The following DLC1 variants were observed in gnomAD, a reference collection of about 807,000 sequenced individuals.
DLC1 encodes DLC1 Rho GTPase activating protein.
DLC1 carries 54 observed loss-of-function variants against 140.3 expected under a neutral mutation model. The observed-to-expected ratio is 0.38, with a 90% CI of 0.31 to 0.48. The LOEUF (loss-of-function observed/expected upper bound fraction) is 0.48, where lower values mean the gene tolerates loss of function less well. DLC1 is among the 20% of genes least tolerant of loss of function. The probability of loss-of-function intolerance (pLI) is 0.96; values close to 1 mark genes in which losing one functional copy is unlikely to be tolerated. For synonymous variants in DLC1, 986 were observed against 728.1 expected (o/e 1.35, Z -5.70); for missense variants, 2,536 against 1,907.0 (o/e 1.33, Z -6.14).
chr8:13,542,931 G>A (rs1469749619), intron 1 of DLC1, among the ~76,000 whole-genome samples: 2 of 151,856 alleles, frequency 1.3e-5, no homozygotes, highest in Non-Finnish European at 2.9e-5. Context: ...TTTTATTTCA[G>A]TATTTTGGCA....
chr8:13,285,673 C>G (rs1425707679), intron 5 of DLC1, among the ~76,000 whole-genome samples: 1 of 152,048 alleles, frequency 6.6e-6, no homozygotes, highest in East Asian at 1.9e-4. Context: ...GAATGTGGAG[C>G]AACTGGGATA....
chr8:13,274,962 A>C (rs1831100875), intron 5 of DLC1, among the ~76,000 whole-genome samples: 1 of 152,242 alleles, frequency 6.6e-6, no homozygotes, highest in African/African-American at 2.4e-5. Context: ...ATTGCAAATG[A>C]GATCATACAC....
chr8:13,327,185 G>C (rs1833397123), intron 4 of DLC1, among the ~76,000 whole-genome samples: 1 of 135,128 alleles, frequency 7.4e-6, no homozygotes, highest in South Asian at 2.4e-4. Flanking sequence ...ATGTTAGTCA[G>C]GATGGTCTCG....
At chr8:13,225,702 G>A (rs1828764086) in intron 5 of DLC1, among the ~76,000 whole-genome samples, 1 of 149,320 alleles carries the variant, frequency 6.7e-6, no homozygotes, top group Non-Finnish European at 1.5e-5. Flanking sequence ...TGCAAGCTCC[G>A]CCTCCTGGGT....
At chr8:13,143,075 G>T (rs557840514) in intron 5 of DLC1, among the ~76,000 whole-genome samples, 19 of 148,712 alleles carry the variant, frequency 1.3e-4, no homozygotes, top group African/African-American at 4.7e-4. Context: ...ATTAGAGGGA[G>T]AAACTAACCA....
chr8:13,241,714 A>G (rs1829552198), intron 5 of DLC1, among the ~76,000 whole-genome samples: 1 of 151,962 alleles, frequency 6.6e-6, no homozygotes, highest in African/African-American at 2.4e-5. Flanking sequence ...TTTTATGGTG[A>G]CCTCCCAGTT....
At chr8:13,143,167 C>A (rs1006468536) in intron 5 of DLC1, among the ~76,000 whole-genome samples, 2 of 151,870 alleles carry the variant, frequency 1.3e-5, no homozygotes, top group Non-Finnish European at 2.9e-5. Flanking sequence ...TTAGAACATA[C>A]ACATTTTCAA....
Position 13,429,173 on chromosome 8 carries a change from T to C in DLC1, c.1024-27554A>G, listed in dbSNP as rs538277250. Among the ~76,000 whole-genome samples the C allele has an allele frequency of 2.2e-4, 33 of 152,340 alleles. 1 individual carries two copies. In the East Asian group the frequency reaches 5.0e-3, roughly 23 times the overall value. ...TATCAAACACCTGTATCAGAAACAC[T>C]GTGGTTCTTTTTAGCAATACAGATC... is the stretch of plus-strand genomic sequence containing the variant. On this transcript the variant is annotated intron_variant, in intron 2 of 17. Coordinates refer to ENST00000276297, the MANE Select transcript of DLC1 (RefSeq NM_182643.3).
rs189407988 is a variant in DLC1, at chr8:13,125,278, A to G, written c.1349-9621T>C. ...AGGCATGAGCCACCAAACCTGGCCT[A>G]ATTTGCTTTTTAAGAGATCGACTTC... On this transcript the variant is annotated intron_variant, in intron 5 of 17. Transcript: ENST00000276297. Among the ~76,000 whole-genome samples the G allele has an allele frequency of 2.6e-5, 4 of 152,152 alleles. No homozygotes were observed. The East Asian group carries it at 5.8e-4, about 22-fold the overall frequency.
chr8:13,468,548 A>C (rs1184330843), intron 2 of DLC1, among the ~76,000 whole-genome samples: 1 of 150,882 alleles, frequency 6.6e-6, no homozygotes. Context: ...TAATTTAACA[A>C]ATTTTTTGCA....
chr8:13,408,253 T>A (rs143272214), intron 2 of DLC1, among the ~76,000 whole-genome samples: 347 of 152,320 alleles, frequency 2.3e-3, no homozygotes, highest in African/African-American at 7.8e-3. Context: ...GACTATAATA[T>A]TAGGTCATGA....
At chr8:13,353,577 C>G (rs1468799280) in intron 4 of DLC1, 1 of 152,164 alleles carries the variant, frequency 6.6e-6, no homozygotes, top group Non-Finnish European at 1.5e-5. Flanking sequence ...AACAACAGGC[C>G]AGGCGCGGGT....
chr8:13,390,996 G>GAAAAAGA (rs1563307992), intron 4 of DLC1, among the ~76,000 whole-genome samples: 5 of 141,248 alleles, frequency 3.5e-5, no homozygotes, highest in East Asian at 2.1e-4. Context: ...AAAAAAAAAA[G>GAAAAAGA]AAAAAAAAAA....
intron 4 of DLC1, among the ~76,000 whole-genome samples, chr8:13,362,959 C>T (rs966900198): frequency 2.0e-5 from 3 of 152,294 alleles, no homozygotes; most frequent in Non-Finnish European, 4.4e-5. Context: ...TCTGTTTTCT[C>T]GATTACATCT....
intron 1 of DLC1, among the ~76,000 whole-genome samples, chr8:13,602,063 C>T (rs1037785174): frequency 6.6e-6 from 1 of 151,722 alleles, no homozygotes; most frequent in African/African-American, 2.4e-5. Flanking sequence ...CTATAAAGTA[C>T]CCAGCCAAAC....
At chr8:13,570,320 G>A (rs1331329043) in intron 1 of DLC1, among the ~76,000 whole-genome samples, 1 of 145,750 alleles carries the variant, frequency 6.9e-6, no homozygotes, top group East Asian at 2.0e-4. Flanking sequence ...TATACTTTAA[G>A]TTTTAGGGTA....
intron 5 of DLC1, among the ~76,000 whole-genome samples, chr8:13,230,268 G>A (rs1828984920): frequency 6.6e-6 from 1 of 152,206 alleles, no homozygotes; most frequent in Admixed American, 6.5e-5. Context: ...ATCTGCTGGT[G>A]TCAACAGAGA....
intron 1 of DLC1, among the ~76,000 whole-genome samples, chr8:13,554,507 C>G (rs1803974363): frequency 6.6e-6 from 1 of 152,170 alleles, no homozygotes; most frequent in Non-Finnish European, 1.5e-5. Context: ...AAAAGCTACA[C>G]TTCCAGGTTT....
chr8:13,562,576 C>T (rs1804280226), intron 1 of DLC1, among the ~76,000 whole-genome samples: 1 of 152,252 alleles, frequency 6.6e-6, no homozygotes, highest in South Asian at 2.1e-4. Context: ...ACATACCCTG[C>T]TGGCCAGGCT....
Sources: allele counts gnomAD v4.1 joint callset (sites outside exome capture counted in the v4.1 genomes callset), GRCh38; gene constraint gnomAD v4.1.1; transcripts MANE v1.5; gene names NCBI Gene and HGNC (gene_info 2026-07-23, HGNC 2026-07-21).